TRIM22: variants seen among roughly 807,000 people sequenced by gnomAD.
TRIM22 encodes the protein E3 ubiquitin-protein ligase TRIM22.
Under a neutral mutation model 53.6 loss-of-function variants are expected in TRIM22, and 45 were observed. That is an observed-to-expected ratio of 0.84 (90% CI 0.66 to 1.08). The LOEUF is 1.08. TRIM22 is among the 50% of genes least tolerant of loss of function. The pLI, the probability that TRIM22 is intolerant of heterozygous loss-of-function variation, is 0.00. For missense variants in TRIM22, 616 were observed against 590.9 expected, an observed-to-expected ratio of 1.04 and a Z score of -0.44; for synonymous variants, 225 against 216.6, an observed-to-expected ratio of 1.04 and a Z score of -0.34.
chr11:5,702,485 T>C (rs1853389667), intron 4 of TRIM22, among the ~76,000 whole-genome samples: 1 of 150,044 alleles, frequency 6.7e-6, no homozygotes, highest in African/African-American at 2.4e-5. Flanking sequence ...ACTATACATA[T>C]ATATATAAAG....
rs556933383 is a variant in TRIM22, at chr11:5,697,593, C to G, written c.519+250C>G. 1.6e-4 allele frequency: 64 copies of G among 395,938 alleles called. No homozygotes were observed. The East Asian group carries it at 1.8e-3, about 11-fold the overall frequency. 24.5% of individuals were successfully genotyped at this position (395,938 alleles called of 1,614,324 possible). A position where few individuals can be genotyped will look rare whatever the true frequency, so the allele number is the denominator to read the frequency against. ...ATCTGTGAAAACGCTTCCTGTGAAT[C>G]CTGTGTTCCATTTGTGTCATCAGGT... On this transcript the variant is annotated intron_variant, in intron 3 of 7. Transcript: ENST00000379965.
chr11:5,707,812 A>AAAACAAACAAAC (rs35942918), intron 5 of TRIM22, among the ~76,000 whole-genome samples: 137 of 151,828 alleles, frequency 9.0e-4, no homozygotes, highest in Non-Finnish European at 8.7e-4. Flanking sequence ...ACCCCATCTC[A>AAAACAAACAAAC]AAACAAACAA....
intron 1 of TRIM22, among the ~76,000 whole-genome samples, chr11:5,695,329 G>C (rs940491528): frequency 6.6e-6 from 1 of 152,132 alleles, no homozygotes; most frequent in Non-Finnish European, 1.5e-5. Flanking sequence ...ATTTTATGCA[G>C]AGAGAGGAGC....
chr11:5,705,382 A>C (rs1038641195), intron 4 of TRIM22, among the ~76,000 whole-genome samples: 1 of 152,236 alleles, frequency 6.6e-6, no homozygotes, highest in African/African-American at 2.4e-5. Context: ...AATTTTTAGA[A>C]GAAAAACCAG....
chr11:5,692,509 T>C (rs1318687314), intron 1 of TRIM22, among the ~76,000 whole-genome samples: 1 of 152,214 alleles, frequency 6.6e-6, no homozygotes, highest in Non-Finnish European at 1.5e-5. Context: ...GACATTTTAG[T>C]GGGTCATTGA....
intron 4 of TRIM22, among the ~76,000 whole-genome samples, chr11:5,700,487 A>G (rs7942160): frequency 0.6 from 90,423 of 151,022 alleles, 27,286 homozygotes; most frequent in African/African-American, 0.66. Context: ...ACAATGTTCA[A>G]CAGGGATGGT....
intron 1 of TRIM22, among the ~76,000 whole-genome samples, chr11:5,694,253 G>GACT (rs1010069321): frequency 6.6e-6 from 1 of 152,176 alleles, no homozygotes; most frequent in African/African-American, 2.4e-5. Context: ...TATGGATTGA[G>GACT]ACTTTTCTCC....
At chr11:5,697,439 G>C (rs1853285289) in intron 3 of TRIM22, 96 bp downstream of exon 3, 8 of 823,124 alleles carry the variant, frequency 9.7e-6, no homozygotes, top group Non-Finnish European at 1.5e-5. Context: ...TGCTGTGCTA[G>C]AATTAACAAG....
Position 5,700,317 on chromosome 11 carries a change from GT to G in TRIM22, c.750+1774del, listed in dbSNP as rs548546072. On this transcript the variant is annotated intron_variant, in intron 4 of 7. Coordinates refer to ENST00000379965, the MANE Select transcript of TRIM22 (RefSeq NM_006074.5). The stretch of plus-strand genomic sequence containing the variant: ...TTTAGTAAAGACAGGGATTCACTGT[GT>G]TGCCCAGGCTGGTCTCGAACTCTTG... Among the ~76,000 whole-genome samples the G allele has an allele frequency of 3.0e-4, 46 of 152,116 alleles. No individual in the cohort carries two copies. The East Asian group carries it at 8.0e-3, about 26-fold the overall frequency.
rs760379023 is a variant in TRIM22, at chr11:5,698,475, G to C, written c.680G>C (p.Arg227Thr). ...GCTACAGACCAGCTGGTCCAGCAGA[G>C]GCAGGATGCCAGCACGCTCATCTCA... The part of the protein sequence containing the change: ...AAATDQLVQQ[R>T]QDASTLISDL... Residue 227 changes from arginine (R) to threonine (T), a missense_variant, in exon 4 of 8, where the codon AGG becomes ACG. Coordinates refer to ENST00000379965, the MANE Select transcript of TRIM22 (RefSeq NM_006074.5). The C allele has an allele frequency of 6.2e-7, 1 of 1,614,048 alleles. No individual in the cohort carries two copies. Among genetic ancestry groups the C allele is most frequent in the Non-Finnish European group, 8.5e-7 (1 of 1,179,952 alleles).
intron 4 of TRIM22, among the ~76,000 whole-genome samples, chr11:5,699,609 G>C (rs115623709): frequency 7.4e-6 from 1 of 134,646 alleles, no homozygotes; most frequent in Non-Finnish European, 1.5e-5. Context: ...TTAAGTTGTC[G>C]TACTATTTTC....
Position 5,706,594 on chromosome 11 carries a change from G to A in TRIM22, c.751G>A (p.Asp251Asn). 1 of 1,612,220 alleles carries A rather than the reference G, an allele frequency of 6.2e-7. No homozygotes were observed. The highest frequency in any genetic ancestry group is 8.5e-7 in the Non-Finnish European group (1 of 1,178,876). The change falls in exon 5 of 8, where the codon GAT becomes AAT. Residue 251 changes from aspartate to asparagine, a missense_variant and splice_region_variant. Transcript: ENST00000379965. ...CTCATGTTTTCTATCTTTTCCCCAG[G>A]ATGTGATTGACGTCATGAAAAGGTA... is the stretch of plus-strand genomic sequence containing the variant. ...LRGSSVEMLQ[D>N]VIDVMKRSES...
chr11:5,708,208 T>C lies in TRIM22; in HGVS notation c.809T>C (p.Val270Ala). ...TGGACATTGAAGAAGCCAAAATCTG[T>C]TTCCAAGAAACTAAAGAGTGTATTC... ...ESWTLKKPKS[V>A]SKKLKSVFRV... is the part of the protein sequence containing the mutation. The change falls in exon 6 of 8, where the codon GTT becomes GCT. Residue 270 changes from valine to alanine, a missense_variant. Transcript: ENST00000379965. The C allele has an allele frequency of 6.2e-7, 1 of 1,614,170 alleles. No individual in the cohort carries two copies. The highest frequency in any genetic ancestry group is 8.5e-7 in the Non-Finnish European group (1 of 1,180,024).
Position 5,689,797 on chromosome 11 carries a change from G to A in TRIM22, c.-169G>A, listed in dbSNP as rs899029174. On this transcript the variant is annotated 5_prime_UTR_variant, in exon 1 of 8. Coordinates refer to ENST00000379965, the MANE Select transcript of TRIM22 (RefSeq NM_006074.5). ...GCTCCTGTGGGGAAACTCATTTGTG[G>A]AGACCAGCCCTCTGGCTTGGTGAGT... 6.6e-6 allele frequency: 1 copy of A among 152,204 alleles called. No homozygotes were observed. 9.4% of individuals were successfully genotyped at this position (152,204 alleles called of 1,614,324 possible). A position where few individuals can be genotyped will look rare whatever the true frequency, so the allele number is the denominator to read the frequency against.
At chr11:5,707,838 A>G (rs1853485458) in intron 5 of TRIM22, among the ~76,000 whole-genome samples, 1 of 152,066 alleles carries the variant, frequency 6.6e-6, no homozygotes, top group South Asian at 2.1e-4. Context: ...CAAACAAACA[A>G]AAGCATTATT....
rs1853256586 is a variant in TRIM22 at position 5,696,258 on chromosome 11, T to C, written c.26T>C (p.Ile9Thr). ...ATGGATTTCTCAGTAAAGGTAGACA[T>C]AGAGAAGGAGGTGACCTGCCCCATC... is the stretch of plus-strand genomic sequence containing the variant. The part of the protein sequence containing the change: MDFSVKVD[I>T]EKEVTCPICL... Residue 9 changes from isoleucine to threonine, a missense_variant, in exon 2 of 8, where the codon ATA becomes ACA. Transcript: ENST00000379965. 12 of 1,612,454 alleles carry C rather than the reference T, an allele frequency of 7.4e-6. No individual in the cohort carries two copies. The highest frequency in any genetic ancestry group is 1.0e-5 in the Non-Finnish European group (12 of 1,179,182).
At chr11:5,692,885 T>TG (rs1853195195) in intron 1 of TRIM22, among the ~76,000 whole-genome samples, 1 of 150,610 alleles carries the variant, frequency 6.6e-6, no homozygotes, top group South Asian at 2.1e-4. Context: ...TCTTTTTTTT[T>TG]TTTTTTCTTT....
chr11:5,699,724 C>CT (rs71053299), intron 4 of TRIM22, among the ~76,000 whole-genome samples: 3,443 of 134,496 alleles, frequency 0.026, 90 homozygotes, highest in African/African-American at 0.067. Context: ...TGATTATTTC[C>CT]TTTTTTTTTT....
intron 4 of TRIM22, among the ~76,000 whole-genome samples, chr11:5,699,592 A>G (rs1181897324): frequency 2.2e-5 from 3 of 137,144 alleles, no homozygotes; most frequent in African/African-American, 5.2e-5. Context: ...TTGTTTATGT[A>G]TAAGTTTTAA....
Sources: allele counts gnomAD v4.1 joint callset (sites outside exome capture counted in the v4.1 genomes callset), GRCh38; gene constraint gnomAD v4.1.1; transcripts MANE v1.5; gene names NCBI Gene and HGNC (gene_info 2026-07-23, HGNC 2026-07-21).